The following HDAC4 variants were observed in gnomAD, a reference collection of about 807,000 sequenced individuals.
HDAC4 encodes the protein histone deacetylase A.
In HDAC4, 16 loss-of-function variants were observed where a neutral mutation model predicts 135.1. That is an observed-to-expected ratio of 0.12 (90% CI 0.08 to 0.18). The LOEUF (loss-of-function observed/expected upper bound fraction) is 0.18. Ranked by LOEUF, HDAC4 falls within the 10% of genes least tolerant of loss-of-function variation. HDAC4 has a pLI of 1.00. For synonymous variants in HDAC4, 685 were observed against 653.4 expected, an observed-to-expected ratio of 1.05 and a Z score of -0.74; for missense variants, 1,143 against 1,511.8, an observed-to-expected ratio of 0.76 and a Z score of 4.05.
Position 239,111,514 on chromosome 2 carries a change from GCCA to G in HDAC4, c.1978+9_1978+11del, listed in dbSNP as rs751904426. On this transcript the variant is annotated intron_variant, in intron 14 of 26. Coordinates refer to ENST00000543185, the MANE Select transcript of HDAC4 (RefSeq NM_001378414.1). The stretch of plus-strand genomic sequence containing the variant: ...CGTTGCACCCTCAGGCTGCACAAAG[GCCA>G]CGTGTTACCTGTCGTGAACCTCGGC... The G allele has an allele frequency of 9.3e-6, 15 of 1,610,154 alleles. No homozygotes were observed. Among genetic ancestry groups the G allele is most frequent in the African/African-American group, 2.7e-5 (2 of 74,894 alleles).
chr2:239,290,581 GCACACA>G (rs59261643), intron 2 of HDAC4, among the ~76,000 whole-genome samples: 3 of 150,750 alleles, frequency 2.0e-5, no homozygotes, highest in South Asian at 2.1e-4. Flanking sequence ...ATGGGAGTAG[GCACACA>G]CACACACACA....
In HDAC4 at chr2:239,276,138, C is replaced by T. The variant is rs190210717; in HGVS notation, c.23-39474G>A. 1.7e-4 allele frequency among the ~76,000 whole-genome samples: 26 copies of T among 152,290 alleles called. No homozygotes were observed. The East Asian group carries it at 5.0e-3, about 29-fold the overall frequency. On this transcript the variant is annotated intron_variant, in intron 2 of 26. Transcript: ENST00000543185. ...ACCTGACTCACGGCAGACACCGACC[C>T]CCACGCCAGCAAGTTCACTCTGGTG... is the stretch of plus-strand genomic sequence containing the variant.
At position 239,239,262 on chromosome 2, in the gene HDAC4, T is replaced by C. The variant is rs574356904; in HGVS notation, c.23-2598A>G. 2.0e-5 allele frequency among the ~76,000 whole-genome samples: 3 copies of C among 152,322 alleles called. No homozygotes were observed. In the East Asian group the frequency reaches 5.8e-4, roughly 29 times the overall value. On this transcript the variant is annotated intron_variant, in intron 2 of 26. Transcript: ENST00000543185. ...TCCCACAAGCCCCTCTCAGGTTCTG[T>C]AATTTGCTAGAAGGGCTCACAAAAC...
chr2:239,162,915 C>A (rs899650410), intron 6 of HDAC4, among the ~76,000 whole-genome samples: 1 of 152,034 alleles, frequency 6.6e-6, no homozygotes, highest in Non-Finnish European at 1.5e-5. Flanking sequence ...TTTTTTCCAA[C>A]GAAATTACTG....
rs1329337500 is a variant in HDAC4 at position 239,352,888 on chromosome 2, C to G, written c.-189G>C. The G allele has an allele frequency of 1.6e-6, 1 of 642,778 alleles. No homozygotes were observed. Among genetic ancestry groups the G allele is most frequent in the African/African-American group, 1.8e-5 (1 of 55,124 alleles). 39.8% of individuals were successfully genotyped at this position (642,778 alleles called of 1,614,324 possible). ...TGAGCCAGGTAACCCACAAGTTGAA[C>G]AGAGGCGTCCGCTGGCTTCTGCAGA... On this transcript the variant is annotated 5_prime_UTR_variant, in exon 2 of 27. Transcript: ENST00000543185. The surrounding 1 kb of genome is among the most constrained non-coding windows in gnomAD (Gnocchi z 4.4).
chr2:239,287,904 G>A (rs964921780), intron 2 of HDAC4, among the ~76,000 whole-genome samples: 1 of 152,006 alleles, frequency 6.6e-6, no homozygotes, highest in Non-Finnish European at 1.5e-5. Context: ...CCATATGACA[G>A]GAATTAAAAG....
chr2:239,155,668 CTGAG>C (rs1361891792), intron 7 of HDAC4: 1 of 152,338 alleles, frequency 6.6e-6, no homozygotes, highest in Non-Finnish European at 1.5e-5. Context: ...CCTTGTGTGA[CTGAG>C]TACGTTCACT....
intron 2 of HDAC4, among the ~76,000 whole-genome samples, chr2:239,326,869 A>G (rs1053992001): frequency 6.6e-6 from 1 of 152,184 alleles, no homozygotes; most frequent in Non-Finnish European, 1.5e-5. Flanking sequence ...TGCTGATGGG[A>G]GCCTGTGGGG....
chr2:239,096,572 CCCCCACGAACACCTGCA>C (rs2037094473), intron 16 of HDAC4, among the ~76,000 whole-genome samples: 3 of 49,216 alleles, frequency 6.1e-5, no homozygotes, highest in African/African-American at 7.2e-5. Context: ...ACGCCTACAC[CCCCCACGAACACCTGCA>C]CCCCCCACGA....
At position 239,352,506 on chromosome 2, in the gene HDAC4, G is replaced by A. The variant is rs1693233911; in HGVS notation, c.22+172C>T. ...GGTTTTATCATTCTTCTTTCACCAA[G>A]AGGAAGAATAAACCATCCATTTTGC... On this transcript the variant is annotated intron_variant, in intron 2 of 26. Coordinates refer to ENST00000543185, the MANE Select transcript of HDAC4 (RefSeq NM_001378414.1). The surrounding 1 kb of genome is among the most constrained non-coding windows in gnomAD (Gnocchi z 4.4). Among the ~76,000 whole-genome samples, 1 of 152,160 alleles carries A rather than the reference G, an allele frequency of 6.6e-6. No individual in the cohort carries two copies. Among genetic ancestry groups the A allele is most frequent in the East Asian group, 1.9e-4 (1 of 5,192 alleles).
At chr2:239,315,487 C>A (rs1011375474) in intron 2 of HDAC4, among the ~76,000 whole-genome samples, 1 of 152,128 alleles carries the variant, frequency 6.6e-6, no homozygotes, top group African/African-American at 2.4e-5. Flanking sequence ...AAAATGAAAC[C>A]CAGCATGCCC....
At chr2:239,098,998 T>C (rs1418879401) in intron 16 of HDAC4, among the ~76,000 whole-genome samples, 1 of 152,230 alleles carries the variant, frequency 6.6e-6, no homozygotes, top group Admixed American at 6.5e-5. Flanking sequence ...ACTAGAATGG[T>C]TGCCTTCGGA....
At chr2:239,055,084 A>C (rs1387794873) in intron 24 of HDAC4, 1 of 424,750 alleles carries the variant, frequency 2.4e-6, no homozygotes, top group Non-Finnish European at 4.4e-6. Context: ...GAAGAAAGAC[A>C]GTCCCCAGGA....
chr2:239,197,493 G>T (rs1415979451), intron 3 of HDAC4, among the ~76,000 whole-genome samples: 1 of 152,138 alleles, frequency 6.6e-6, no homozygotes, highest in East Asian at 1.9e-4. Flanking sequence ...ATCGTAGGGG[G>T]CTCCCTGAAG....
At chr2:239,359,119 T>C (rs1411797831) in intron 1 of HDAC4, among the ~76,000 whole-genome samples, 1 of 152,220 alleles carries the variant, frequency 6.6e-6, no homozygotes, top group Non-Finnish European at 1.5e-5. Flanking sequence ...TCACAGGTTT[T>C]AACATGAATT....
intron 16 of HDAC4, 158 bp downstream of exon 16, chr2:239,102,618 T>C (rs2037766848): frequency 1.3e-6 from 1 of 770,126 alleles, no homozygotes; most frequent in Non-Finnish European, 2.2e-6. Flanking sequence ...AACCAGTGGC[T>C]TGTGAACAGA....
At chr2:239,080,022 TGAGA>T (rs533715727) in intron 22 of HDAC4, among the ~76,000 whole-genome samples, 3 of 150,428 alleles carry the variant, frequency 2.0e-5, no homozygotes, top group Non-Finnish European at 4.4e-5. Flanking sequence ...GCACAAGCAC[TGAGA>T]GACATGCACA....
intron 2 of HDAC4, among the ~76,000 whole-genome samples, chr2:239,310,625 C>A (rs1316664860): frequency 6.6e-6 from 1 of 152,214 alleles, no homozygotes; most frequent in Non-Finnish European, 1.5e-5. Flanking sequence ...GCTTCAGGAG[C>A]TCCCCCCTCT....
rs1261883830 is a variant in HDAC4, at chr2:239,262,520, G to A, written c.23-25856C>T. On this transcript the variant is annotated intron_variant, in intron 2 of 26. Coordinates refer to ENST00000543185, the MANE Select transcript of HDAC4 (RefSeq NM_001378414.1). This position sits in a 1 kb window ranked among gnomAD's most constrained non-coding sequence, Gnocchi z 4.1. ...CCTTGTTTGCCCAGGTCCGAGATGA[G>A]GTAATGCCATTAGCAGGCAAGACTG... 6.6e-6 allele frequency among the ~76,000 whole-genome samples: 1 copy of A among 152,226 alleles called. No individual in the cohort carries two copies. The highest frequency in any genetic ancestry group is 2.4e-5 in the African/African-American group (1 of 41,462).
Sources: gnomAD v4.1 joint callset for allele counts (sites outside exome capture counted in the v4.1 genomes callset) on GRCh38, gnomAD v4.1.1 for gene constraint, Gnocchi (gnomAD v3.1) non-coding constraint, MANE v1.5 for transcripts, NCBI Gene and HGNC (gene_info 2026-07-23, HGNC 2026-07-21) for gene names.